The following OXCT1 variants were observed in gnomAD, a reference collection of about 807,000 sequenced individuals.
OXCT1 encodes 3-oxoacid CoA-transferase 1.
A neutral mutation model predicts 69.6 loss-of-function variants in OXCT1; 27 were observed. The observed-to-expected ratio is 0.39, with a 90% CI of 0.29 to 0.54. The LOEUF (loss-of-function observed/expected upper bound fraction) is 0.54. Ranked by LOEUF, OXCT1 falls within the 20% of genes least tolerant of loss-of-function variation. OXCT1 has a pLI of 0.72. For synonymous variants in OXCT1, 202 were observed against 217.8 expected (o/e 0.93, Z 0.64); for missense variants, 437 against 650.2 (o/e 0.67, Z 3.57).
At chr5:41,785,883 C>A (rs1236725305) in intron 13 of OXCT1, among the ~76,000 whole-genome samples, 1 of 152,200 alleles carries the variant, frequency 6.6e-6, no homozygotes, top group East Asian at 1.9e-4. Flanking sequence ...CTGCTCACTC[C>A]ATTGACAAAT....
intron 14 of OXCT1, among the ~76,000 whole-genome samples, chr5:41,760,038 G>C (rs1308278412): frequency 6.6e-6 from 1 of 152,066 alleles, no homozygotes. Flanking sequence ...TACCAGGAGT[G>C]AAAAAACTCT....
At chr5:41,774,586 A>T (rs940190889) in intron 13 of OXCT1, among the ~76,000 whole-genome samples, 17 of 152,266 alleles carry the variant, frequency 1.1e-4, no homozygotes, top group Admixed American at 1.1e-3. Flanking sequence ...CTATGGCTGG[A>T]ACAATGTGAG....
chr5:41,770,600 T>C (rs1195382734), intron 13 of OXCT1, among the ~76,000 whole-genome samples: 1 of 152,212 alleles, frequency 6.6e-6, no homozygotes, highest in Non-Finnish European at 1.5e-5. Flanking sequence ...TCACTAAGCA[T>C]ACAAAACTCC....
intron 13 of OXCT1, among the ~76,000 whole-genome samples, chr5:41,783,798 T>C (rs958453394): frequency 2.0e-5 from 3 of 152,202 alleles, no homozygotes; most frequent in African/African-American, 7.2e-5. Flanking sequence ...GTGTTGAACA[T>C]ACCCAAGTTC....
intron 7 of OXCT1, among the ~76,000 whole-genome samples, chr5:41,815,638 G>A (rs1189023907): frequency 6.6e-6 from 1 of 152,052 alleles, no homozygotes; most frequent in African/African-American, 2.4e-5. Context: ...TAATTAAAAT[G>A]AATACATCTA....
chr5:41,792,890 C>T (rs1482013017), intron 13 of OXCT1, among the ~76,000 whole-genome samples: 1 of 152,196 alleles, frequency 6.6e-6, no homozygotes, highest in African/African-American at 2.4e-5. Context: ...GTCCAGGCTA[C>T]ATCCCAGATT....
At chr5:41,733,329 C>T (rs964898857) in intron 16 of OXCT1, among the ~76,000 whole-genome samples, 4 of 151,500 alleles carry the variant, frequency 2.6e-5, no homozygotes, top group Non-Finnish European at 5.9e-5. Flanking sequence ...TCACCGCAAC[C>T]TCCGCCTCCT....
chr5:41,800,944 C>CA (rs1746391358), intron 11 of OXCT1, 78 bp downstream of exon 11: 1 of 1,270,994 alleles, frequency 7.9e-7, no homozygotes, highest in Admixed American at 1.7e-5. Flanking sequence ...CAGGAAAAGA[C>CA]AAAGAATTGA....
At chr5:41,852,283 G>A (rs1180545947) in intron 4 of OXCT1, among the ~76,000 whole-genome samples, 5 of 152,088 alleles carry the variant, frequency 3.3e-5, no homozygotes, top group Non-Finnish European at 4.4e-5. Context: ...TACAGGTAAC[G>A]GTGCTATAGA....
chr5:41,768,442 G>A (rs2112128106), intron 13 of OXCT1, among the ~76,000 whole-genome samples: 1 of 152,240 alleles, frequency 6.6e-6, no homozygotes, highest in East Asian at 1.9e-4. Flanking sequence ...AAAAACTTCT[G>A]TTATATTAAT....
At chr5:41,735,751 C>A (rs188061423) in intron 16 of OXCT1, among the ~76,000 whole-genome samples, 1 of 152,236 alleles carries the variant, frequency 6.6e-6, no homozygotes, top group Non-Finnish European at 1.5e-5. Context: ...ATTCATGTAA[C>A]TACCCTGACC....
chr5:41,854,671 T>C (rs185232626), intron 3 of OXCT1, among the ~76,000 whole-genome samples: 4 of 152,176 alleles, frequency 2.6e-5, no homozygotes, highest in Non-Finnish European at 4.4e-5. Context: ...TTTTTAATGG[T>C]GAAATTGTTT....
intron 8 of OXCT1, among the ~76,000 whole-genome samples, chr5:41,806,241 C>T (rs931989960): frequency 6.6e-6 from 1 of 152,024 alleles, no homozygotes; most frequent in African/African-American, 2.4e-5. Context: ...AAGTCTCATC[C>T]TTTCTTCCTG....
chr5:41,822,501 G>A (rs937042610), intron 7 of OXCT1, among the ~76,000 whole-genome samples: 2 of 151,938 alleles, frequency 1.3e-5, no homozygotes, highest in African/African-American at 4.8e-5. Context: ...TGTGTTTTGA[G>A]ACCATTTCAC....
intron 12 of OXCT1, 61 bp downstream of exon 12, chr5:41,794,616 C>T (rs1162995299): frequency 3.4e-6 from 5 of 1,466,136 alleles, no homozygotes; most frequent in Non-Finnish European, 2.9e-6. Context: ...CTAACACACT[C>T]AGACGATGAC....
At chr5:41,733,380 G>T (rs557857077) in intron 16 of OXCT1, among the ~76,000 whole-genome samples, 1 of 151,902 alleles carries the variant, frequency 6.6e-6, no homozygotes, top group Non-Finnish European at 1.5e-5. Flanking sequence ...CCAAGTAGCT[G>T]GGATTACAGG....
chr5:41,806,607 C>A lies in OXCT1; in HGVS notation c.840+724G>T, dbSNP rs189970396. On this transcript the variant is annotated intron_variant, in intron 8 of 16. Transcript: ENST00000196371. ...CACACGAGCTGGTTGTCTAAAGGAGCCTGGCACCTTCTCTCTCTCTCGCCT... is the reference window on the plus strand; with the variant it reads ...CACACGAGCTGGTTGTCTAAAGGAGACTGGCACCTTCTCTCTCTCTCGCCT... Among the ~76,000 whole-genome samples, 15 of 152,188 alleles carry A rather than the reference C, an allele frequency of 9.9e-5. No homozygotes were observed. The East Asian group carries it at 2.7e-3, about 28-fold the overall frequency.
At chr5:41,763,860 A>C (rs1055027665) in intron 13 of OXCT1, among the ~76,000 whole-genome samples, 2 of 152,146 alleles carry the variant, frequency 1.3e-5, no homozygotes, top group Non-Finnish European at 2.9e-5. Flanking sequence ...CATAGGTAAA[A>C]ACTTATGACA....
intron 11 of OXCT1, 99 bp downstream of exon 11, chr5:41,800,923 G>A (rs1428286240): frequency 2.0e-6 from 2 of 982,022 alleles, no homozygotes; most frequent in African/African-American, 1.6e-5. Context: ...TGAATACCAT[G>A]GAGTGCTCTC....
Sources: gnomAD v4.1 joint callset for allele counts (sites outside exome capture counted in the v4.1 genomes callset) on GRCh38, gnomAD v4.1.1 for gene constraint, MANE v1.5 for transcripts, NCBI Gene and HGNC (gene_info 2026-07-23, HGNC 2026-07-21) for gene names.